ZNF704: variants seen among roughly 807,000 people sequenced by gnomAD.
ZNF704 encodes glucocorticoid induced gene 1.
Under a neutral mutation model 44.7 loss-of-function variants are expected in ZNF704, and 10 were observed. The observed-to-expected ratio is 0.22, with a 90% CI of 0.14 to 0.38. The LOEUF (loss-of-function observed/expected upper bound fraction) is 0.38, where lower values mean the gene tolerates loss of function less well. Among genes scored for constraint, ZNF704 ranks in the 10% least tolerant of loss-of-function variants. ZNF704 has a pLI of 1.00. For synonymous variants in ZNF704, 211 were observed against 207.6 expected (o/e 1.02, Z -0.14); for missense variants, 390 against 545.5 (o/e 0.71, Z 2.84).
intron 1 of ZNF704, among the ~76,000 whole-genome samples, chr8:80,835,958 GC>G (rs1808551688): frequency 6.6e-6 from 1 of 152,118 alleles, no homozygotes; most frequent in Non-Finnish European, 1.5e-5. Context: ...TCCTGGTTAA[GC>G]CACCACTGTC....
At chr8:80,756,226 G>GTATCTCACTCCCTCTAAGAAAACCA (rs1807032759) in intron 2 of ZNF704, among the ~76,000 whole-genome samples, 1 of 152,088 alleles carries the variant, frequency 6.6e-6, no homozygotes, top group Middle Eastern at 3.2e-3. Context: ...TCCAAGAGCA[G>GTATCTCACTCCCTCTAAGAAAACCA]TATCTCACTC....
chr8:80,839,649 G>A (rs1447570143), intron 1 of ZNF704, among the ~76,000 whole-genome samples: 2 of 152,198 alleles, frequency 1.3e-5, no homozygotes, highest in African/African-American at 2.4e-5. Flanking sequence ...AGGGAGAAAC[G>A]CTTCCTGCTT....
intron 1 of ZNF704, among the ~76,000 whole-genome samples, chr8:80,851,391 AT>A: frequency 6.6e-6 from 1 of 152,340 alleles, no homozygotes; most frequent in East Asian, 1.9e-4. Context: ...CTATGCAGCC[AT>A]AAAAAAATGA....
intron 1 of ZNF704, among the ~76,000 whole-genome samples, chr8:80,835,171 T>C (rs1049100986): frequency 2.0e-5 from 3 of 152,138 alleles, no homozygotes; most frequent in African/African-American, 4.8e-5. Flanking sequence ...ACACACAACT[T>C]GGGTATTTTT....
At chr8:80,854,443 CT>C (rs1217837768) in intron 1 of ZNF704, among the ~76,000 whole-genome samples, 1 of 152,198 alleles carries the variant, frequency 6.6e-6, no homozygotes, top group Admixed American at 6.5e-5. Flanking sequence ...TCACTGGGCA[CT>C]GTACTGCAAA....
intron 2 of ZNF704, among the ~76,000 whole-genome samples, chr8:80,732,246 TTC>T: frequency 6.6e-6 from 1 of 152,340 alleles, no homozygotes; most frequent in Non-Finnish European, 1.5e-5. Context: ...TGGTGTTCTA[TTC>T]TGTTTATTAT....
intron 2 of ZNF704, chr8:80,694,139 C>T (rs1585959309): frequency 6.6e-6 from 1 of 152,118 alleles, no homozygotes. Context: ...AGGAGAAATG[C>T]AACTAGGGGT....
Position 80,642,651 on chromosome 8 carries a change from A to G in ZNF704, c.1127+384T>C, listed in dbSNP as rs189680786. ...AAACCACAGAAAAGTAAAACTGTGGATAAAAGGGGACTATTGTATTTTGGT... is the reference window on the plus strand; with the variant it reads ...AAACCACAGAAAAGTAAAACTGTGGGTAAAAGGGGACTATTGTATTTTGGT... On this transcript the variant is annotated intron_variant, in intron 8 of 8. Transcript: ENST00000327835. 2.8e-3 allele frequency among the ~76,000 whole-genome samples: 429 copies of G among 152,342 alleles called. 1 individual carries two copies. The highest frequency in any genetic ancestry group is 4.9e-3 in the Non-Finnish European group (335 of 68,030).
intron 2 of ZNF704, among the ~76,000 whole-genome samples, chr8:80,715,934 G>T (rs550851288): frequency 6.6e-6 from 1 of 152,210 alleles, no homozygotes; most frequent in Non-Finnish European, 1.5e-5. Context: ...ACAAAAATTA[G>T]TTGGGCATGG....
At chr8:80,666,289 T>C (rs1818193621) in intron 5 of ZNF704, among the ~76,000 whole-genome samples, 1 of 151,064 alleles carries the variant, frequency 6.6e-6, no homozygotes, top group Admixed American at 6.6e-5. Context: ...ACAAAGGACA[T>C]GAACTCATCA....
intron 2 of ZNF704, among the ~76,000 whole-genome samples, chr8:80,787,731 T>G (rs1807639177): frequency 1.3e-5 from 2 of 152,184 alleles, no homozygotes; most frequent in Non-Finnish European, 2.9e-5. Context: ...TTCCTACTTC[T>G]GAGATCTGTA....
intron 2 of ZNF704, among the ~76,000 whole-genome samples, chr8:80,787,776 C>T (rs1300176837): frequency 6.6e-6 from 1 of 152,106 alleles, no homozygotes; most frequent in Non-Finnish European, 1.5e-5. Flanking sequence ...GTTCACATTG[C>T]ACCTTATAAT....
intron 1 of ZNF704, among the ~76,000 whole-genome samples, chr8:80,833,849 G>A (rs896074907): frequency 6.6e-6 from 1 of 152,170 alleles, no homozygotes; most frequent in Non-Finnish European, 1.5e-5. Context: ...CCTCAAATCT[G>A]TCTGCCAGAG....
chr8:80,662,368 T>G (rs1818115790), intron 6 of ZNF704, among the ~76,000 whole-genome samples: 1 of 152,192 alleles, frequency 6.6e-6, no homozygotes, highest in Non-Finnish European at 1.5e-5. Flanking sequence ...AAGTTTATGC[T>G]TTGGGAAGGA....
chr8:80,649,142 T>C (rs538324493), intron 7 of ZNF704, among the ~76,000 whole-genome samples: 5 of 152,250 alleles, frequency 3.3e-5, no homozygotes, highest in African/African-American at 4.8e-5. Flanking sequence ...TATATGTACA[T>C]AGTTTGTTGG....
chr8:80,728,793 C>T (rs536011990), intron 2 of ZNF704, among the ~76,000 whole-genome samples: 27 of 152,162 alleles, frequency 1.8e-4, no homozygotes, highest in East Asian at 7.7e-4. Flanking sequence ...CACTTTGTAA[C>T]GCTGGACAAG....
intron 1 of ZNF704, among the ~76,000 whole-genome samples, chr8:80,825,285 G>C (rs1808352046): frequency 6.6e-6 from 1 of 152,106 alleles, no homozygotes. Flanking sequence ...CCTAGTCTCT[G>C]ATAAAACAGA....
At chr8:80,741,278 C>T (rs1806750976) in intron 2 of ZNF704, among the ~76,000 whole-genome samples, 3 of 152,286 alleles carry the variant, frequency 2.0e-5, no homozygotes, top group Middle Eastern at 3.4e-3. Context: ...CTAAGGAAGG[C>T]CCTAACCCAA....
intron 4 of ZNF704, among the ~76,000 whole-genome samples, chr8:80,684,968 A>G (rs1025415586): frequency 6.6e-6 from 1 of 152,136 alleles, no homozygotes; most frequent in Admixed American, 6.5e-5. Flanking sequence ...TGCATTAAAC[A>G]TTAGTGGCTA....
Sources: gnomAD v4.1 joint callset for allele counts (sites outside exome capture counted in the v4.1 genomes callset) on GRCh38, gnomAD v4.1.1 for gene constraint, MANE v1.5 for transcripts, NCBI Gene and HGNC (gene_info 2026-07-23, HGNC 2026-07-21) for gene names.